Variants in MMP26 observed in about 807,000 individuals in gnomAD.
MMP26 encodes matrix metallopeptidase 26.
Under a neutral mutation model 31.0 loss-of-function variants are expected in MMP26, and 33 were observed. That is an observed-to-expected ratio of 1.06 (90% CI 0.81 to 1.42). The LOEUF (loss-of-function observed/expected upper bound fraction) is 1.42, where lower values mean the gene tolerates loss of function less well. Among genes scored for constraint, MMP26 ranks in the 40% most tolerant of loss-of-function variants. The probability of loss-of-function intolerance (pLI) is 0.00; values close to 1 mark genes in which losing one functional copy is unlikely to be tolerated. For synonymous variants in MMP26, 122 were observed against 114.9 expected (o/e 1.06, Z -0.40); for missense variants, 347 against 316.1 (o/e 1.10, Z -0.74).
At chr11:4,733,341 T>C (rs924396991) in intron 1 of MMP26, among the ~76,000 whole-genome samples, 6 of 152,186 alleles carry the variant, frequency 3.9e-5, no homozygotes, top group African/African-American at 1.4e-4. Context: ...TTAATTTATT[T>C]CAGCAATATT....
intron 6 of MMP26, 39 bp downstream of exon 6, chr11:4,991,535 G>A (rs1177304610): frequency 5.0e-6 from 8 of 1,604,444 alleles, no homozygotes; most frequent in Non-Finnish European, 6.8e-6. Flanking sequence ...GAACTCTCTG[G>A]GAACCTGGGG....
chr11:4,826,786 A>T (rs943591621), intron 2 of MMP26, among the ~76,000 whole-genome samples: 4 of 152,152 alleles, frequency 2.6e-5, no homozygotes, highest in African/African-American at 9.7e-5. Flanking sequence ...GAGAAATGGC[A>T]TATCAATAAT....
chr11:4,903,645 C>A (rs1459663824), intron 2 of MMP26: 1 of 151,988 alleles, frequency 6.6e-6, no homozygotes, highest in African/African-American at 2.4e-5. Flanking sequence ...AGTAATGTAC[C>A]AGCCCCAGGC....
intron 1 of MMP26, among the ~76,000 whole-genome samples, chr11:4,760,107 T>G (rs1848554471): frequency 6.6e-6 from 1 of 152,208 alleles, no homozygotes; most frequent in Non-Finnish European, 1.5e-5. Context: ...AAGTCAGATT[T>G]TCTAGATTAT....
intron 1 of MMP26, chr11:4,711,584 C>T (rs1228049275): frequency 1.3e-5 from 2 of 152,078 alleles, no homozygotes; most frequent in African/African-American, 2.4e-5. Context: ...CAGATCTGGC[C>T]TCATGCAACC....
rs1242194481 is a variant in MMP26 at position 4,823,236 on chromosome 11, G to A, written c.-145+55895G>A. Among the ~76,000 whole-genome samples the A allele has an allele frequency of 2.6e-5, 4 of 152,118 alleles. No homozygotes were observed. In the East Asian group the frequency reaches 5.8e-4, roughly 22 times the overall value. On this transcript the variant is annotated intron_variant, in intron 2 of 7. Coordinates refer to ENST00000380390, the MANE Select transcript of MMP26 (RefSeq NM_021801.5). ...AGTGAATATTAACATAAGACACAGAGCTTTTCATCCTTTGTGTGTGCTTCA... is the reference window on the plus strand; with the variant it reads ...AGTGAATATTAACATAAGACACAGAACTTTTCATCCTTTGTGTGTGCTTCA...
At chr11:4,706,577 CAAAAAAAAA>C (rs71050423) in intron 1 of MMP26, among the ~76,000 whole-genome samples, 2 of 87,570 alleles carry the variant, frequency 2.3e-5, no homozygotes, top group Admixed American at 1.3e-4. Context: ...GACCCTATCT[CAAAAAAAAA>C]AAAAAAAAAA....
At chr11:4,796,087 G>A (rs1849104854) in intron 2 of MMP26, among the ~76,000 whole-genome samples, 1 of 152,120 alleles carries the variant, frequency 6.6e-6, no homozygotes, top group Non-Finnish European at 1.5e-5. Flanking sequence ...AGCACAGGTG[G>A]GAGATGGCTA....
At chr11:4,731,553 C>T (rs556049182) in intron 1 of MMP26, among the ~76,000 whole-genome samples, 12 of 152,138 alleles carry the variant, frequency 7.9e-5, no homozygotes, top group African/African-American at 2.9e-4. Context: ...CTTTGCTGTC[C>T]CTTACCCTCT....
chr11:4,812,695 C>T (rs183266351), intron 2 of MMP26, among the ~76,000 whole-genome samples: 1 of 152,302 alleles, frequency 6.6e-6, no homozygotes, highest in East Asian at 1.9e-4. Context: ...GTAGAGGAAG[C>T]AGTCAAATAA....
At chr11:4,933,838 C>T (rs1275132971) in intron 2 of MMP26, among the ~76,000 whole-genome samples, 6 of 149,340 alleles carry the variant, frequency 4.0e-5, no homozygotes, top group African/African-American at 1.2e-4. Context: ...GTTTTTTATT[C>T]TTGCGATAGT....
chr11:4,864,096 CAG>C (rs1324991786), intron 2 of MMP26, among the ~76,000 whole-genome samples: 1 of 152,094 alleles, frequency 6.6e-6, no homozygotes, highest in Non-Finnish European at 1.5e-5. Context: ...TGACATGAAA[CAG>C]AGCTGGAGTC....
intron 2 of MMP26, among the ~76,000 whole-genome samples, chr11:4,920,990 C>A (rs1851175119): frequency 6.6e-6 from 1 of 152,144 alleles, no homozygotes; most frequent in South Asian, 2.1e-4. Flanking sequence ...TTATTGAATT[C>A]TGTGAGTTTA....
intron 2 of MMP26, among the ~76,000 whole-genome samples, chr11:4,863,324 A>G (rs1850190159): frequency 6.6e-6 from 1 of 151,720 alleles, no homozygotes; most frequent in East Asian, 1.9e-4. Flanking sequence ...TCCCAATGAA[A>G]TTCTTATGCA....
chr11:4,972,072 G>A (rs541613417), intron 2 of MMP26, among the ~76,000 whole-genome samples: 1 of 152,268 alleles, frequency 6.6e-6, no homozygotes, highest in South Asian at 2.1e-4. Flanking sequence ...GCATGTAATT[G>A]ACCTAACAGG....
At chr11:4,882,156 T>A (rs751414829) in intron 2 of MMP26, 1 of 1,613,948 alleles carries the variant, frequency 6.2e-7, no homozygotes, top group Admixed American at 1.7e-5. Flanking sequence ...GTGCTTGGTG[T>A]TCTCTGGTTT....
intron 2 of MMP26, among the ~76,000 whole-genome samples, chr11:4,867,129 C>T (rs1036055339): frequency 6.6e-6 from 1 of 152,074 alleles, no homozygotes; most frequent in Non-Finnish European, 1.5e-5. Context: ...AAGAAACTAT[C>T]AACAGAGAAA....
chr11:4,948,572 G>A (rs1350118645), intron 2 of MMP26, among the ~76,000 whole-genome samples: 1 of 124,066 alleles, frequency 8.1e-6, no homozygotes, highest in East Asian at 2.3e-4. Flanking sequence ...CTGACTACTA[G>A]TTGATTCTAG....
intron 2 of MMP26, chr11:4,914,550 C>T (rs931096340): frequency 1.7e-6 from 1 of 573,578 alleles, no homozygotes; most frequent in Non-Finnish European, 3.1e-6. Flanking sequence ...TTTTACCCCC[C>T]CCTGCCCTGG....
Sources: gnomAD v4.1 joint callset for allele counts (sites outside exome capture counted in the v4.1 genomes callset) on GRCh38, gnomAD v4.1.1 for gene constraint, MANE v1.5 for transcripts, NCBI Gene and HGNC (gene_info 2026-07-23, HGNC 2026-07-21) for gene names.